Variants in OSBP2 observed in about 807,000 individuals in gnomAD.
The protein encoded by OSBP2 is oxysterol-binding protein 2.
OSBP2 carries 66 observed loss-of-function variants against 96.0 expected under a neutral mutation model. The observed-to-expected ratio is 0.69, with a 90% CI of 0.56 to 0.84. OSBP2 has a LOEUF of 0.84. OSBP2 is among the 40% of genes least tolerant of loss of function. The pLI is 0.00. For missense variants in OSBP2, 1,038 were observed against 1,222.7 expected, an observed-to-expected ratio of 0.85 and a Z score of 2.25; for synonymous variants, 525 against 520.9, an observed-to-expected ratio of 1.01 and a Z score of -0.11.
chr22:30,774,499 C>T (rs1204380676), intron 2 of OSBP2, among the ~76,000 whole-genome samples: 7 of 152,180 alleles, frequency 4.6e-5, no homozygotes, highest in African/African-American at 1.7e-4. Flanking sequence ...AGTCAGAATG[C>T]TAGGAGCAAA....
chr22:30,870,448 C>G lies in OSBP2; in HGVS notation c.873C>G (p.Asp291Glu), dbSNP rs191090393. The G allele has an allele frequency of 6.2e-7, 1 of 1,613,950 alleles. No homozygotes were observed. Among genetic ancestry groups the G allele is most frequent in the Non-Finnish European group, 8.5e-7 (1 of 1,180,018 alleles). Residue 291 changes from aspartate to glutamate, a missense_variant, in exon 3 of 14, where the codon GAC becomes GAG. Transcript: ENST00000332585. This position sits in a 1 kb window ranked among gnomAD's most constrained non-coding sequence, Gnocchi z 4.1. The part of the protein sequence containing the change: ...NTHSDDSGDD[D>E]EATTPADKSE... ...CCACAGATGACTCTGGGGACGACGA[C>G]GAGGCTACCACCCCAGCCGACAAGA...
At chr22:30,901,786 A>G (rs1398094711) in intron 12 of OSBP2, among the ~76,000 whole-genome samples, 1 of 152,120 alleles carries the variant, frequency 6.6e-6, no homozygotes, top group Non-Finnish European at 1.5e-5. Context: ...AAGTGCTTGA[A>G]CCTGGGAAGT....
At chr22:30,782,847 C>T (rs2090536048) in intron 2 of OSBP2, among the ~76,000 whole-genome samples, 2 of 152,134 alleles carry the variant, frequency 1.3e-5, no homozygotes, top group South Asian at 2.1e-4. Context: ...ACATCATCTT[C>T]GAAAGTGATT....
intron 2 of OSBP2, among the ~76,000 whole-genome samples, chr22:30,849,861 T>A (rs1258848855): frequency 6.6e-6 from 1 of 152,242 alleles, no homozygotes; most frequent in Non-Finnish European, 1.5e-5. Context: ...ACATCTAGGT[T>A]TATGTTCCAT....
intron 2 of OSBP2, among the ~76,000 whole-genome samples, chr22:30,813,381 C>T (rs2091037522): frequency 6.6e-6 from 1 of 151,822 alleles, no homozygotes; most frequent in Non-Finnish European, 1.5e-5. Context: ...ACCATGTTGG[C>T]CAGGCTGGTC....
intron 2 of OSBP2, among the ~76,000 whole-genome samples, chr22:30,857,193 C>T (rs1333817663): frequency 6.6e-6 from 1 of 152,246 alleles, no homozygotes; most frequent in East Asian, 1.9e-4. Flanking sequence ...ACTGCCCCCA[C>T]TCAGTCCAGC....
At chr22:30,861,334 C>T (rs999072588) in intron 2 of OSBP2, among the ~76,000 whole-genome samples, 1 of 152,144 alleles carries the variant, frequency 6.6e-6, no homozygotes, top group Admixed American at 6.5e-5. Flanking sequence ...TAATAGGTGT[C>T]CCTGGTAGGG....
At chr22:30,834,243 A>G (rs1389803526) in intron 2 of OSBP2, among the ~76,000 whole-genome samples, 1 of 152,160 alleles carries the variant, frequency 6.6e-6, no homozygotes, top group African/African-American at 2.4e-5. Flanking sequence ...TCATCAGTTG[A>G]TGGACATTTG....
chr22:30,769,763 C>A (rs1301732140), intron 2 of OSBP2, among the ~76,000 whole-genome samples: 1 of 152,198 alleles, frequency 6.6e-6, no homozygotes, highest in Non-Finnish European at 1.5e-5. Context: ...CCAGGCTCTT[C>A]AGCTCAGGTC....
chr22:30,706,909 C>T (rs2145678152), intron 1 of OSBP2, among the ~76,000 whole-genome samples: 1 of 152,242 alleles, frequency 6.6e-6, no homozygotes, highest in South Asian at 2.1e-4. Flanking sequence ...GAGGAACTGT[C>T]CTTCTTCTGG....
intron 2 of OSBP2, among the ~76,000 whole-genome samples, chr22:30,774,934 T>C (rs1225147487): frequency 6.6e-6 from 1 of 152,232 alleles, no homozygotes; most frequent in Non-Finnish European, 1.5e-5. Flanking sequence ...TTTCTATGCA[T>C]GTAGATATAC....
chr22:30,740,096 C>T (rs1457994787), intron 1 of OSBP2, among the ~76,000 whole-genome samples: 4 of 152,270 alleles, frequency 2.6e-5, no homozygotes, highest in Non-Finnish European at 4.4e-5. Context: ...CTGCCCATCT[C>T]GGCCTCCCAA....
At chr22:30,855,293 T>G (rs2039058368) in intron 2 of OSBP2, among the ~76,000 whole-genome samples, 1 of 152,220 alleles carries the variant, frequency 6.6e-6, no homozygotes, top group Non-Finnish European at 1.5e-5. Flanking sequence ...GTCTTTTGGC[T>G]TACATGCCCT....
chr22:30,795,063 C>A (rs1602274041), intron 2 of OSBP2, among the ~76,000 whole-genome samples: 1 of 152,018 alleles, frequency 6.6e-6, no homozygotes, highest in East Asian at 2.0e-4. Context: ...GTACACACCA[C>A]TGCACCCAGG....
At position 30,728,890 on chromosome 22, in the gene OSBP2, G is replaced by A. The variant is rs149624162; in HGVS notation, c.645-12271G>A. ...AAAATGGATAAACCACCATTTGTCT[G>A]TCCATTCTAGTGTGTATGGACCTGC... On this transcript the variant is annotated intron_variant, in intron 1 of 13. Transcript: ENST00000332585. Among the ~76,000 whole-genome samples, 7 of 152,244 alleles carry A rather than the reference G, an allele frequency of 4.6e-5. No individual in the cohort carries two copies. In the South Asian group the frequency reaches 1.5e-3, roughly 32 times the overall value.
At chr22:30,755,534 G>A (rs1230131933) in intron 2 of OSBP2, among the ~76,000 whole-genome samples, 2 of 152,198 alleles carry the variant, frequency 1.3e-5, no homozygotes, top group Non-Finnish European at 2.9e-5. Flanking sequence ...AGCAGCTTCC[G>A]AAGTGTAGGC....
intron 2 of OSBP2, among the ~76,000 whole-genome samples, chr22:30,797,699 C>A (rs575394050): frequency 1.5e-4 from 23 of 152,062 alleles, no homozygotes; most frequent in Middle Eastern, 3.4e-3. Context: ...TCAGGTGATT[C>A]TCCCACCTCA....
chr22:30,772,604 G>A (rs748809224), intron 2 of OSBP2, among the ~76,000 whole-genome samples: 2 of 152,138 alleles, frequency 1.3e-5, no homozygotes, highest in Non-Finnish European at 2.9e-5. Context: ...AGCCCTGCTG[G>A]CTCTGGGCGA....
At chr22:30,831,027 A>G (rs1316412355) in intron 2 of OSBP2, among the ~76,000 whole-genome samples, 1 of 152,216 alleles carries the variant, frequency 6.6e-6, no homozygotes, top group Non-Finnish European at 1.5e-5. Flanking sequence ...AGATCACTGT[A>G]GCCAACTGCT....
Sources: allele counts gnomAD v4.1 joint callset (sites outside exome capture counted in the v4.1 genomes callset), GRCh38; gene constraint gnomAD v4.1.1; non-coding constraint Gnocchi (gnomAD v3.1); transcripts MANE v1.5; gene names NCBI Gene and HGNC (gene_info 2026-07-23, HGNC 2026-07-21).